GABRG3: variants seen among roughly 807,000 people sequenced by gnomAD.
GABRG3 encodes gamma-aminobutyric acid receptor subunit gamma-3.
In GABRG3, 25 loss-of-function variants were observed where a neutral mutation model predicts 48.8. The observed-to-expected ratio is 0.51, with a 90% CI of 0.37 to 0.72. The LOEUF (loss-of-function observed/expected upper bound fraction) is 0.72. Ranked by LOEUF, GABRG3 falls within the 30% of genes least tolerant of loss-of-function variation. The pLI is 0.00. For missense variants in GABRG3, 394 were observed against 577.9 expected, an observed-to-expected ratio of 0.68 and a Z score of 3.26; for synonymous variants, 227 against 217.6, an observed-to-expected ratio of 1.04 and a Z score of -0.38.
At chr15:27,393,331 G>A (rs561621307) in intron 5 of GABRG3, among the ~76,000 whole-genome samples, 205 of 139,122 alleles carry the variant, frequency 1.5e-3, no homozygotes, top group African/African-American at 5.0e-3. Context: ...GTGACAGAGC[G>A]AGACTCCGTC....
intron 3 of GABRG3, among the ~76,000 whole-genome samples, chr15:27,144,500 G>A (rs757853724): frequency 6.6e-6 from 1 of 151,220 alleles, no homozygotes; most frequent in African/African-American, 2.4e-5. Context: ...CGGAGTACTT[G>A]TTGAAAACTA....
intron 5 of GABRG3, among the ~76,000 whole-genome samples, chr15:27,351,634 TTGTG>T (rs931051890): frequency 1.2e-4 from 16 of 139,052 alleles, no homozygotes; most frequent in African/African-American, 3.6e-4. Flanking sequence ...TGGTATGTGT[TTGTG>T]TGTATGGTCT....
chr15:27,074,404 G>A (rs532119451), intron 3 of GABRG3, among the ~76,000 whole-genome samples: 15 of 152,074 alleles, frequency 9.9e-5, no homozygotes, highest in East Asian at 2.0e-4. Context: ...ACATGTGACC[G>A]CTTCCTTCTG....
chr15:27,308,561 TTATATAAACATAATGTAAACATACATTTA>T lies in GABRG3; in HGVS notation c.271-18223_271-18195del, dbSNP rs1566774601. ...ACATATATAATGTAAACATACATGTTTATATAAACATAATGTAAACATACATTTATATATAAACATAATGTAAACATACG... is the reference window on the plus strand; with the variant it reads ...ACATATATAATGTAAACATACATGTTTATATAAACATAATGTAAACATACG... On this transcript the variant is annotated intron_variant, in intron 3 of 9. Coordinates refer to ENST00000615808, the MANE Select transcript of GABRG3 (RefSeq NM_033223.5). Among the ~76,000 whole-genome samples the T allele has an allele frequency of 2.9e-3, 425 of 148,370 alleles. 4 individuals are homozygous for T. Among genetic ancestry groups the T allele is most frequent in the Admixed American group, 0.02 (295 of 14,756 alleles).
chr15:27,223,691 A>G (rs1006263585), intron 3 of GABRG3, among the ~76,000 whole-genome samples: 4 of 152,220 alleles, frequency 2.6e-5, no homozygotes, highest in South Asian at 2.1e-4. Context: ...ACGGATGGGT[A>G]TGGAAAGGTG....
intron 3 of GABRG3, among the ~76,000 whole-genome samples, chr15:27,093,574 T>A (rs540682567): frequency 6.6e-6 from 1 of 152,280 alleles, no homozygotes; most frequent in South Asian, 2.1e-4. Context: ...CTATTGGACA[T>A]ACAGAAAGAT....
chr15:27,234,284 G>C (rs927180822), intron 3 of GABRG3, among the ~76,000 whole-genome samples: 1 of 152,120 alleles, frequency 6.6e-6, no homozygotes, highest in Non-Finnish European at 1.5e-5. Flanking sequence ...AGGCTCCCTG[G>C]CCAGGACCAT....
At chr15:27,186,620 C>T (rs1291506662) in intron 3 of GABRG3, among the ~76,000 whole-genome samples, 1 of 152,078 alleles carries the variant, frequency 6.6e-6, no homozygotes, top group Non-Finnish European at 1.5e-5. Flanking sequence ...GCTGAACTAA[C>T]ATTTTCACCA....
At chr15:27,122,286 C>T (rs964825974) in intron 3 of GABRG3, among the ~76,000 whole-genome samples, 1 of 151,960 alleles carries the variant, frequency 6.6e-6, no homozygotes, top group Non-Finnish European at 1.5e-5. Flanking sequence ...ATCTGTTGGC[C>T]AAATAATATA....
intron 3 of GABRG3, among the ~76,000 whole-genome samples, chr15:27,221,906 A>C (rs1042649614): frequency 6.6e-6 from 1 of 152,196 alleles, no homozygotes; most frequent in Non-Finnish European, 1.5e-5. Flanking sequence ...AGGAGTTTGT[A>C]TGATTGTCCC....
Position 27,133,801 on chromosome 15 carries a change from A to G in GABRG3, c.270+106980A>G, listed in dbSNP as rs528434315. ...CAATTGGGCTGTTAACTTCAACATG[A>G]TAAATCATTTTTGTTGGTGTAAATG... is the stretch of plus-strand genomic sequence containing the variant. On this transcript the variant is annotated intron_variant, in intron 3 of 9. Transcript: ENST00000615808. 4.6e-5 allele frequency among the ~76,000 whole-genome samples: 7 copies of G among 152,364 alleles called. No homozygotes were observed. In the East Asian group the frequency reaches 1.3e-3, roughly 29 times the overall value.
chr15:27,094,303 C>T (rs1897239133), intron 3 of GABRG3, among the ~76,000 whole-genome samples: 1 of 152,138 alleles, frequency 6.6e-6, no homozygotes, highest in African/African-American at 2.4e-5. Flanking sequence ...GAGTGCATGG[C>T]CCAAGGCATT....
intron 3 of GABRG3, among the ~76,000 whole-genome samples, chr15:27,305,631 T>C (rs1892386953): frequency 7.2e-6 from 1 of 138,188 alleles, no homozygotes; most frequent in Non-Finnish European, 1.5e-5. Context: ...ATATATAATA[T>C]AAACCTATAT....
intron 5 of GABRG3, among the ~76,000 whole-genome samples, chr15:27,370,053 T>C (rs1054035773): frequency 3.3e-5 from 5 of 152,086 alleles, no homozygotes; most frequent in African/African-American, 1.2e-4. Context: ...AAATTTTCAG[T>C]TCTTGAAAAA....
chr15:27,307,293 ATGTTT>A (rs1892617518), intron 3 of GABRG3, among the ~76,000 whole-genome samples: 1 of 142,848 alleles, frequency 7.0e-6, no homozygotes, highest in African/African-American at 2.5e-5. Context: ...AGGTTTATAT[ATGTTT>A]ATATATAACC....
chr15:27,366,903 G>T (rs1209530050), intron 5 of GABRG3, among the ~76,000 whole-genome samples: 1 of 152,140 alleles, frequency 6.6e-6, no homozygotes. Context: ...ATCTGCACCT[G>T]CAGCAGCCTG....
At chr15:27,312,173 TGAG>T in intron 3 of GABRG3, among the ~76,000 whole-genome samples, 1 of 152,020 alleles carries the variant, frequency 6.6e-6, no homozygotes, top group East Asian at 1.9e-4. Flanking sequence ...AAAATTCACT[TGAG>T]GGGTTTAACA....
rs1340872518 is a variant in GABRG3, at chr15:27,352,488, T to A, written c.574+23600T>A. On this transcript the variant is annotated intron_variant, in intron 5 of 9. Transcript: ENST00000615808. This position sits in a 1 kb window ranked among gnomAD's most constrained non-coding sequence, Gnocchi z 4.0. ...GTCTTCTAATTAGTACGAAAAAGAT[T>A]CGAGAATTGGATCCTAGGAATGAGA... Among the ~76,000 whole-genome samples, 1 of 151,950 alleles carries A rather than the reference T, an allele frequency of 6.6e-6. No homozygotes were observed. The highest frequency in any genetic ancestry group is 1.5e-5 in the Non-Finnish European group (1 of 67,996).
intron 5 of GABRG3, among the ~76,000 whole-genome samples, chr15:27,389,506 T>C (rs1413937399): frequency 6.6e-6 from 1 of 152,212 alleles, no homozygotes; most frequent in Non-Finnish European, 1.5e-5. Context: ...TTTTGATAAA[T>C]AAAGTATGTT....
Sources: gnomAD v4.1 joint callset for allele counts (sites outside exome capture counted in the v4.1 genomes callset) on GRCh38, gnomAD v4.1.1 for gene constraint, Gnocchi (gnomAD v3.1) non-coding constraint, MANE v1.5 for transcripts, NCBI Gene and HGNC (gene_info 2026-07-23, HGNC 2026-07-21) for gene names.